Variants in SLCO4C1 observed in about 807,000 individuals in gnomAD.
The protein encoded by SLCO4C1 is organic anion transporter M1.
A neutral mutation model predicts 72.1 loss-of-function variants in SLCO4C1; 58 were observed. The observed-to-expected ratio is 0.80, with a 90% CI of 0.65 to 1.00. The LOEUF is 1.00. Among genes scored for constraint, SLCO4C1 ranks in the 50% least tolerant of loss-of-function variants. The pLI, the probability that SLCO4C1 is intolerant of heterozygous loss-of-function variation, is 0.00. For missense variants in SLCO4C1, 898 were observed against 857.9 expected, an observed-to-expected ratio of 1.05 and a Z score of -0.58; for synonymous variants, 297 against 312.5, an observed-to-expected ratio of 0.95 and a Z score of 0.52.
At chr5:102,268,809 A>G (rs552897213) in intron 3 of SLCO4C1, among the ~76,000 whole-genome samples, 70 of 151,728 alleles carry the variant, frequency 4.6e-4, no homozygotes, top group African/African-American at 1.7e-3. Flanking sequence ...CAGATGTAGA[A>G]CTCCTTTAAG....
Position 102,249,765 on chromosome 5 carries a change from A to G in SLCO4C1, c.1493T>C (p.Ile498Thr). ...GTTACAATTGGCATTACAAGGGGCTATCAAGTTTCCCAATTCTCCAGTCCT... is the reference window on the plus strand; with the variant it reads ...GTTACAATTGGCATTACAAGGGGCTGTCAAGTTTCCCAATTCTCCAGTCCT... ...YNGTGELGNL[I>T]APCNANCNCS... The change falls in exon 9 of 13, where the codon ATA becomes ACA. Residue 498 changes from isoleucine to threonine, a missense_variant. By Grantham distance (89) the Ile-to-Thr change is moderately conservative (BLOSUM62 -1). Coordinates refer to ENST00000310954, the MANE Select transcript of SLCO4C1 (RefSeq NM_180991.5). The G allele has an allele frequency of 1.2e-6, 2 of 1,613,794 alleles. No homozygotes were observed. The highest frequency in any genetic ancestry group is 2.2e-5 in the South Asian group (2 of 91,016).
At chr5:102,264,165 A>G (rs72777944) in intron 3 of SLCO4C1, among the ~76,000 whole-genome samples, 212 of 152,176 alleles carry the variant, frequency 1.4e-3, no homozygotes, top group Non-Finnish European at 2.4e-3. Context: ...ACTCTGCACA[A>G]CTCAGACAGA....
chr5:102,239,610 T>C (rs1339950378), intron 11 of SLCO4C1, among the ~76,000 whole-genome samples: 1 of 152,074 alleles, frequency 6.6e-6, no homozygotes, highest in East Asian at 1.9e-4. Context: ...TTCAAAAAAG[T>C]ATTTCAATAG....
intron 2 of SLCO4C1, among the ~76,000 whole-genome samples, chr5:102,276,388 G>A (rs747138504): frequency 5.3e-5 from 8 of 152,252 alleles, no homozygotes; most frequent in South Asian, 2.1e-4. Flanking sequence ...TAGCCCCAGC[G>A]GTGGTCTGCA....
chr5:102,284,562 C>T (rs996362137), intron 2 of SLCO4C1, among the ~76,000 whole-genome samples: 2 of 152,036 alleles, frequency 1.3e-5, no homozygotes, highest in Non-Finnish European at 2.9e-5. Flanking sequence ...CATATCATAC[C>T]CCTAACTAAA....
In SLCO4C1 at chr5:102,234,406, T is replaced by C. The variant is rs1748396450; in HGVS notation, c.*2452A>G. 1 of 152,594 alleles carries C rather than the reference T, an allele frequency of 6.6e-6. No individual in the cohort carries two copies. The allele number at this position is 152,594 out of a possible 1,614,324, so 9.5% of individuals were successfully genotyped here. A position where few individuals can be genotyped will look rare whatever the true frequency, so the allele number is the denominator to read the frequency against. The stretch of plus-strand genomic sequence containing the variant: ...TTATAAAGGAGGTATTCTTTTAAAA[T>C]ATGTACCTTATATATAAAAGCTCCT... On this transcript the variant is annotated 3_prime_UTR_variant, in exon 13 of 13. Transcript: ENST00000310954.
At chr5:102,268,703 A>G (rs958362838) in intron 3 of SLCO4C1, among the ~76,000 whole-genome samples, 1 of 152,050 alleles carries the variant, frequency 6.6e-6, no homozygotes, top group South Asian at 2.1e-4. Flanking sequence ...TGTAGTGATA[A>G]CATTTGATTC....
At chr5:102,277,920 C>T (rs770620776) in intron 2 of SLCO4C1, among the ~76,000 whole-genome samples, 9 of 152,060 alleles carry the variant, frequency 5.9e-5, no homozygotes, top group Non-Finnish European at 1.0e-4. Flanking sequence ...AAGCAACTCA[C>T]ATTCAGGAAA....
chr5:102,290,504 C>A (rs919407072), intron 2 of SLCO4C1, among the ~76,000 whole-genome samples: 4 of 152,168 alleles, frequency 2.6e-5, no homozygotes, highest in African/African-American at 7.2e-5. Context: ...ATAGCAAATA[C>A]TAATTTTCAA....
chr5:102,242,632 C>G (rs1263974725), intron 10 of SLCO4C1, among the ~76,000 whole-genome samples: 1 of 152,116 alleles, frequency 6.6e-6, no homozygotes, highest in African/African-American at 2.4e-5. Context: ...AGGAAATACA[C>G]CAGTCCTGAC....
chr5:102,236,834 A>G lies in SLCO4C1; in HGVS notation c.*24T>C, dbSNP rs1748444373. On this transcript the variant is annotated 3_prime_UTR_variant, in exon 13 of 13. Coordinates refer to ENST00000310954, the MANE Select transcript of SLCO4C1 (RefSeq NM_180991.5). ...AAATCGAGGTAAATTTTCCAGGTGT[A>G]AAACAGTCTTCTCTTTTCCCATTTC... is the stretch of plus-strand genomic sequence containing the variant. The G allele has an allele frequency of 6.2e-7, 1 of 1,607,552 alleles. No homozygotes were observed. Among genetic ancestry groups the G allele is most frequent in the Non-Finnish European group, 8.5e-7 (1 of 1,178,368 alleles).
chr5:102,284,180 T>C (rs796979505), intron 2 of SLCO4C1, among the ~76,000 whole-genome samples: 7 of 152,146 alleles, frequency 4.6e-5, no homozygotes, highest in African/African-American at 1.4e-4. Context: ...CCCAAGTTTA[T>C]GGAAAATGTG....
chr5:102,250,180 C>T (rs2112346580), intron 8 of SLCO4C1, among the ~76,000 whole-genome samples: 1 of 152,244 alleles, frequency 6.6e-6, no homozygotes, highest in South Asian at 2.1e-4. Flanking sequence ...CCATACAGTG[C>T]CAAATATGTC....
chr5:102,250,968 C>T (rs1246570058), intron 8 of SLCO4C1, among the ~76,000 whole-genome samples: 1 of 151,584 alleles, frequency 6.6e-6, no homozygotes, highest in Non-Finnish European at 1.5e-5. Context: ...GCCTGGGCAA[C>T]AGAGTGAGAC....
intron 10 of SLCO4C1, among the ~76,000 whole-genome samples, chr5:102,242,280 A>T (rs1336313963): frequency 6.6e-6 from 1 of 152,212 alleles, no homozygotes; most frequent in African/African-American, 2.4e-5. Flanking sequence ...TAGGGACTGC[A>T]ACTCTTGGGC....
At chr5:102,285,451 A>C (rs1406542160) in intron 2 of SLCO4C1, among the ~76,000 whole-genome samples, 1 of 151,966 alleles carries the variant, frequency 6.6e-6, no homozygotes, top group Non-Finnish European at 1.5e-5. Flanking sequence ...TGCCCGGCTA[A>C]TTTTTGTGTT....
rs373573471 is a variant in SLCO4C1, at chr5:102,249,734, C to T, written c.1524G>A (p.Ser508=). Residue 508 remains serine (S), a synonymous_variant, in exon 9 of 13, where the codon TCG becomes TCA. Transcript: ENST00000310954. ...IAPCNANCNC[S]RSYYYPVCGD... ...CACAGACAGGATAATAATATGATCG[C>T]GAACAGTTACAATTGGCATTACAAG... is the stretch of plus-strand genomic sequence containing the variant. The T allele has an allele frequency of 1.1e-4, 170 of 1,613,730 alleles. No homozygotes were observed. Among genetic ancestry groups the T allele is most frequent in the East Asian group, 4.2e-4 (19 of 44,856 alleles).
chr5:102,290,988 A>G (rs989969255), intron 2 of SLCO4C1, among the ~76,000 whole-genome samples: 22 of 143,730 alleles, frequency 1.5e-4, no homozygotes, highest in African/African-American at 4.9e-4. Flanking sequence ...TCCAGGGTGC[A>G]GAGCTGTAAA....
At chr5:102,283,771 G>C (rs1390303583) in intron 2 of SLCO4C1, among the ~76,000 whole-genome samples, 1 of 151,898 alleles carries the variant, frequency 6.6e-6, no homozygotes, top group Non-Finnish European at 1.5e-5. Context: ...CTAATGCCTT[G>C]TCCTTCCACA....
Sources: gnomAD v4.1 joint callset for allele counts (sites outside exome capture counted in the v4.1 genomes callset) on GRCh38, gnomAD v4.1.1 for gene constraint, MANE v1.5 for transcripts, NCBI Gene and HGNC (gene_info 2026-07-23, HGNC 2026-07-21) for gene names.